Variants in SLC25A48 observed in about 807,000 individuals in gnomAD.
SLC25A48 encodes CTC-321K16.1.
Under a neutral mutation model 32.2 loss-of-function variants are expected in SLC25A48, and 29 were observed. That is an observed-to-expected ratio of 0.90 (90% confidence interval 0.67 to 1.23). The LOEUF (loss-of-function observed/expected upper bound fraction) is 1.23, where lower values mean the gene tolerates loss of function less well. Among genes scored for constraint, SLC25A48 ranks in the 50% most tolerant of loss-of-function variants. The pLI, the probability that SLC25A48 is intolerant of heterozygous loss-of-function variation, is 0.00. For synonymous variants in SLC25A48, 164 were observed against 172.3 expected (o/e 0.95, Z 0.38); for missense variants, 399 against 422.7 (o/e 0.94, Z 0.49).
intron 3 of SLC25A48, among the ~76,000 whole-genome samples, chr5:135,688,362 T>C (rs921578012): frequency 6.6e-6 from 1 of 152,204 alleles, no homozygotes; most frequent in Non-Finnish European, 1.5e-5. Context: ...GTTGACTTTA[T>C]TGGTGTTCTG....
intron 5 of SLC25A48, among the ~76,000 whole-genome samples, chr5:135,873,112 C>T (rs1761791430): frequency 1.3e-5 from 2 of 152,166 alleles, no homozygotes; most frequent in Admixed American, 1.3e-4. Context: ...GCCCCATTGT[C>T]CTGGCAGAAG....
chr5:135,874,404 C>T (rs1761888839), intron 6 of SLC25A48, among the ~76,000 whole-genome samples: 1 of 152,242 alleles, frequency 6.6e-6, no homozygotes, highest in African/African-American at 2.4e-5. Flanking sequence ...CGCAGCCACA[C>T]AGCTGGTCCA....
chr5:135,799,404 G>A (rs1056267877), intron 3 of SLC25A48, among the ~76,000 whole-genome samples: 1 of 151,408 alleles, frequency 6.6e-6, no homozygotes, highest in African/African-American at 2.4e-5. Flanking sequence ...CCCGCCCCGT[G>A]ATATTGTTTC....
At chr5:135,757,849 T>C (rs1400395034) in intron 3 of SLC25A48, among the ~76,000 whole-genome samples, 1 of 150,410 alleles carries the variant, frequency 6.6e-6, no homozygotes, top group Non-Finnish European at 1.5e-5. Flanking sequence ...ATAGCTAGTG[T>C]TAACTCACTA....
intron 3 of SLC25A48, among the ~76,000 whole-genome samples, chr5:135,766,365 A>G (rs896339992): frequency 1.3e-4 from 20 of 148,518 alleles, no homozygotes; most frequent in Non-Finnish European, 2.6e-4. Context: ...GGGGGGGGGA[A>G]GAATGATATT....
chr5:135,873,966 GC>G, intron 5 of SLC25A48, 54 bp from the exon 6 acceptor site: 1 of 1,476,608 alleles, frequency 6.8e-7, no homozygotes, highest in East Asian at 2.6e-5. Context: ...AAGGAACCAG[GC>G]CCCTCCAGAT....
chr5:135,803,954 C>T (rs1304809524), intron 3 of SLC25A48, among the ~76,000 whole-genome samples: 1 of 151,168 alleles, frequency 6.6e-6, no homozygotes, highest in Non-Finnish European at 1.5e-5. Context: ...CCACTGTGTT[C>T]TTAATATTCT....
At chr5:135,866,370 A>T (rs1296675741) in intron 4 of SLC25A48, among the ~76,000 whole-genome samples, 1 of 152,164 alleles carries the variant, frequency 6.6e-6, no homozygotes, top group Non-Finnish European at 1.5e-5. Flanking sequence ...ATTGAATAGC[A>T]TTGACTGAGA....
chr5:135,765,843 A>T (rs1183015647), intron 3 of SLC25A48, among the ~76,000 whole-genome samples: 1 of 151,232 alleles, frequency 6.6e-6, no homozygotes, highest in Non-Finnish European at 1.5e-5. Flanking sequence ...ATAATATCCC[A>T]GAAAGGAGAG....
chr5:135,835,671 C>A (rs1032551366), intron 1 of SLC25A48, among the ~76,000 whole-genome samples: 1 of 98,880 alleles, frequency 1.0e-5, no homozygotes, highest in Admixed American at 1.4e-4. Flanking sequence ...AGGGACTTTG[C>A]TAATTGTAAA....
chr5:135,799,575 G>A (rs180816747), intron 3 of SLC25A48, among the ~76,000 whole-genome samples: 77 of 151,394 alleles, frequency 5.1e-4, no homozygotes, highest in Non-Finnish European at 1.0e-4. Context: ...CTAATATCCA[G>A]GTGGGGATAT....
At chr5:135,864,464 A>G (rs1761040932) in intron 4 of SLC25A48, among the ~76,000 whole-genome samples, 1 of 152,112 alleles carries the variant, frequency 6.6e-6, no homozygotes, top group Admixed American at 6.5e-5. Context: ...TAAAGATGAA[A>G]CCTTATGTAG....
intron 3 of SLC25A48, among the ~76,000 whole-genome samples, chr5:135,764,757 C>T (rs1200999169): frequency 6.8e-6 from 1 of 147,740 alleles, no homozygotes; most frequent in Admixed American, 6.7e-5. Flanking sequence ...CACACCCCAC[C>T]TGTGATATGG....
intron 4 of SLC25A48, among the ~76,000 whole-genome samples, chr5:135,867,032 C>T (rs1259904967): frequency 2.6e-5 from 4 of 152,030 alleles, no homozygotes; most frequent in Admixed American, 2.6e-4. Context: ...AGGTAGTATG[C>T]CCTTGATCTA....
At chr5:135,673,346 A>G (rs898590015) in intron 3 of SLC25A48, among the ~76,000 whole-genome samples, 3 of 152,220 alleles carry the variant, frequency 2.0e-5, no homozygotes, top group African/African-American at 4.8e-5. Flanking sequence ...TATTCTCTCC[A>G]GAAATGCCTC....
intron 3 of SLC25A48, among the ~76,000 whole-genome samples, chr5:135,702,644 G>A (rs995939955): frequency 6.6e-6 from 1 of 152,248 alleles, no homozygotes; most frequent in Admixed American, 6.5e-5. Flanking sequence ...CTTACAGTCA[G>A]GAGAGTCTGG....
chr5:135,747,618 T>C (rs2127005707), intron 3 of SLC25A48, among the ~76,000 whole-genome samples: 1 of 152,288 alleles, frequency 6.6e-6, no homozygotes, highest in East Asian at 1.9e-4. Context: ...AACTACTCAT[T>C]GCTACTGGAA....
intron 3 of SLC25A48, among the ~76,000 whole-genome samples, chr5:135,767,582 G>A (rs1424000981): frequency 6.6e-6 from 1 of 151,926 alleles, no homozygotes; most frequent in Non-Finnish European, 1.5e-5. Context: ...ATATTTAGGG[G>A]AGGAAGAGGA....
intron 3 of SLC25A48, among the ~76,000 whole-genome samples, chr5:135,754,544 A>G (rs1443459590): frequency 6.6e-6 from 1 of 151,824 alleles, no homozygotes; most frequent in Non-Finnish European, 1.5e-5. Flanking sequence ...CTGATATAAT[A>G]TCCAATGATT....
Sources: gnomAD v4.1 joint callset for allele counts (sites outside exome capture counted in the v4.1 genomes callset) on GRCh38, gnomAD v4.1.1 for gene constraint, MANE v1.5 for transcripts, NCBI Gene and HGNC (gene_info 2026-07-23, HGNC 2026-07-21) for gene names.